IGFL2: variants seen among roughly 807,000 people sequenced by gnomAD.
The protein encoded by IGFL2 is insulin growth factor-like family member 2.
In IGFL2, 7 loss-of-function variants were observed where a neutral mutation model predicts 13.9. The observed-to-expected ratio is 0.51, with a 90% CI of 0.29 to 0.95. The LOEUF is 0.95. Ranked by LOEUF, IGFL2 falls within the 40% of genes least tolerant of loss-of-function variation. The pLI is 0.08. For synonymous variants in IGFL2, 55 were observed against 55.8 expected, an observed-to-expected ratio of 0.99 and a Z score of 0.07; for missense variants, 138 against 147.8, an observed-to-expected ratio of 0.93 and a Z score of 0.34.
At chr19:46,174,029 G>A in the IGFL2 span, 4 of 152,296 alleles carry the variant, frequency 2.6e-5, no homozygotes, top group African/African-American at 4.8e-5. Context: ...ACATGCATAT[G>A]GAGTCAAGTC....
chr19:46,134,946 C>A, the IGFL2 span, among the ~76,000 whole-genome samples: 3 of 152,188 alleles, frequency 2.0e-5, no homozygotes, highest in African/African-American at 7.2e-5. Context: ...AGAAGAGGAG[C>A]AGCTCTGTAA....
the IGFL2 span, among the ~76,000 whole-genome samples, chr19:46,117,904 T>C: frequency 3.9e-5 from 6 of 152,258 alleles, no homozygotes; most frequent in South Asian, 1.2e-3. Context: ...CTGCCTTCCT[T>C]AGCCCCTGCT....
At chr19:46,172,115 G>A in the IGFL2 span, among the ~76,000 whole-genome samples, 13 of 152,290 alleles carry the variant, frequency 8.5e-5, no homozygotes, top group East Asian at 2.5e-3. Flanking sequence ...CCAGAGATAC[G>A]GACTTTGGAA....
At chr19:46,124,349 A>G in the IGFL2 span, 67 of 1,590,490 alleles carry the variant, frequency 4.2e-5, 1 homozygote, top group Non-Finnish European at 1.8e-5. Flanking sequence ...AAGGTTGAAC[A>G]TGGAGCTGAG....
At chr19:46,115,789 G>A in the IGFL2 span, among the ~76,000 whole-genome samples, 1 of 152,194 alleles carries the variant, frequency 6.6e-6, no homozygotes, top group Non-Finnish European at 1.5e-5. Context: ...CAGCGACAGG[G>A]ATAAATGAAT....
the IGFL2 span, chr19:46,210,394 A>G: frequency 6.6e-6 from 1 of 152,252 alleles, no homozygotes; most frequent in African/African-American, 2.4e-5. Flanking sequence ...GAGCCAGGGA[A>G]GGTGTATTAA....
At chr19:46,087,288 G>A in the IGFL2 span, among the ~76,000 whole-genome samples, 4 of 152,198 alleles carry the variant, frequency 2.6e-5, no homozygotes, top group Admixed American at 2.6e-4. Flanking sequence ...CCATTCCTCA[G>A]GCTCACAGGT....
chr19:46,115,093 G>A, the IGFL2 span, among the ~76,000 whole-genome samples: 1 of 152,276 alleles, frequency 6.6e-6, no homozygotes, highest in African/African-American at 2.4e-5. Flanking sequence ...GAGGACCAGT[G>A]TCCTAGAATA....
the IGFL2 span, among the ~76,000 whole-genome samples, chr19:46,088,139 G>C: frequency 6.6e-6 from 1 of 152,136 alleles, no homozygotes; most frequent in Admixed American, 6.5e-5. Context: ...CTCCTTCCTT[G>C]CTTTTGGTGC....
At chr19:46,177,947 C>G in the IGFL2 span, among the ~76,000 whole-genome samples, 119 of 152,236 alleles carry the variant, frequency 7.8e-4, 2 homozygotes, top group Middle Eastern at 0.017. Context: ...TCCCTTCCCT[C>G]TTGGAGTTTA....
chr19:46,141,264 A>C (rs558465575), upstream of IGFL2, among the ~76,000 whole-genome samples: 15 of 152,218 alleles, frequency 9.9e-5, no homozygotes, highest in Non-Finnish European at 2.1e-4. Flanking sequence ...ATTGTCTCTG[A>C]CACCAACAAA....
At chr19:46,174,735 C>A in the IGFL2 span, among the ~76,000 whole-genome samples, 1 of 152,334 alleles carries the variant, frequency 6.6e-6, no homozygotes, top group Admixed American at 6.5e-5. Flanking sequence ...CCCAGTCTCT[C>A]AGACCCTCTT....
the IGFL2 span, among the ~76,000 whole-genome samples, chr19:46,083,514 G>T: frequency 6.6e-6 from 1 of 152,188 alleles, no homozygotes; most frequent in Admixed American, 6.5e-5. Context: ...AGTTACTTTG[G>T]GGAGGAGAGG....
the IGFL2 span, chr19:46,120,369 C>T: frequency 3.1e-6 from 5 of 1,610,680 alleles, no homozygotes; most frequent in Non-Finnish European, 4.2e-6. Flanking sequence ...TATCACAGTG[C>T]CCCAAATCAA....
chr19:46,132,534 C>T, the IGFL2 span, among the ~76,000 whole-genome samples: 1 of 152,120 alleles, frequency 6.6e-6, no homozygotes, highest in Non-Finnish European at 1.5e-5. Context: ...CCACAGGCTT[C>T]CCCTCCTCAC....
At chr19:46,122,507 G>A in the IGFL2 span, among the ~76,000 whole-genome samples, 1 of 150,880 alleles carries the variant, frequency 6.6e-6, no homozygotes, top group Non-Finnish European at 1.5e-5. Context: ...CCTTTTTGTT[G>A]TTTGTTTTCC....
At chr19:46,200,069 G>A in the IGFL2 span, among the ~76,000 whole-genome samples, 1 of 152,044 alleles carries the variant, frequency 6.6e-6, no homozygotes, top group South Asian at 2.1e-4. Flanking sequence ...TAGAGATGGG[G>A]TTTCACCATC....
the IGFL2 span, among the ~76,000 whole-genome samples, chr19:46,166,883 T>A: frequency 6.6e-6 from 1 of 152,242 alleles, no homozygotes. Context: ...TATCCTGTTC[T>A]TTTTTCAGGG....
chr19:46,176,936 A>T, the IGFL2 span, among the ~76,000 whole-genome samples: 4 of 152,282 alleles, frequency 2.6e-5, no homozygotes, highest in South Asian at 8.3e-4. Context: ...CCCAGTTGGG[A>T]GAAGAAAAGG....
Sources: gnomAD v4.1 joint callset for allele counts (sites outside exome capture counted in the v4.1 genomes callset) on GRCh38, gnomAD v4.1.1 for gene constraint, MANE v1.5 for transcripts, NCBI Gene and HGNC (gene_info 2026-07-23, HGNC 2026-07-21) for gene names.